The following GALNT2 variants were observed in gnomAD, a reference collection of about 807,000 sequenced individuals.
GALNT2 encodes the protein UDP-GalNAc:polypeptide N-acetylgalactosaminyltransferase 2.
In GALNT2, 31 loss-of-function variants were observed where a neutral mutation model predicts 81.4. The ratio of observed to expected loss-of-function variants is 0.38; its 90% CI spans 0.29 to 0.51. The LOEUF (loss-of-function observed/expected upper bound fraction) is 0.51, where lower values mean the gene tolerates loss of function less well. Ranked by LOEUF, GALNT2 falls within the 20% of genes least tolerant of loss-of-function variation. The pLI, the probability that GALNT2 is intolerant of heterozygous loss-of-function variation, is 0.87. For synonymous variants in GALNT2, 303 were observed against 287.4 expected, an observed-to-expected ratio of 1.05 and a Z score of -0.55; for missense variants, 629 against 765.7, an observed-to-expected ratio of 0.82 and a Z score of 2.11.
At chr1:230,087,200 ACT>A (rs1342910789) in intron 1 of GALNT2, among the ~76,000 whole-genome samples, 1 of 150,732 alleles carries the variant, frequency 6.6e-6, no homozygotes, top group Admixed American at 6.6e-5. Flanking sequence ...ACCAGTGCAC[ACT>A]CTCCCCATAG....
intron 2 of GALNT2, among the ~76,000 whole-genome samples, chr1:230,192,726 T>A (rs1263902637): frequency 2.0e-5 from 3 of 152,276 alleles, no homozygotes; most frequent in Admixed American, 6.5e-5. Context: ...AACTATTTCC[T>A]CTATAACATC....
At chr1:230,165,759 A>G (rs1373683000) in intron 1 of GALNT2, among the ~76,000 whole-genome samples, 3 of 152,222 alleles carry the variant, frequency 2.0e-5, no homozygotes, top group African/African-American at 7.2e-5. Context: ...GCACTGGTCA[A>G]CCTGTCCCAG....
intron 1 of GALNT2, among the ~76,000 whole-genome samples, chr1:230,170,152 A>G (rs1662745652): frequency 1.3e-5 from 2 of 152,190 alleles, no homozygotes; most frequent in Non-Finnish European, 2.9e-5. Flanking sequence ...TTGCCTAAGT[A>G]GAGGTTTTGG....
intron 1 of GALNT2, among the ~76,000 whole-genome samples, chr1:230,075,140 T>TTTTTTTTTTTTG (rs1399602658): frequency 4.1e-5 from 6 of 145,336 alleles, no homozygotes; most frequent in African/African-American, 1.6e-4. Context: ...TTTTTTTTTT[T>TTTTTTTTTTTTG]TTTGAGACAA....
At chr1:230,256,725 C>G (rs181823741) in intron 11 of GALNT2, among the ~76,000 whole-genome samples, 1 of 152,196 alleles carries the variant, frequency 6.6e-6, no homozygotes, top group Admixed American at 6.5e-5. Context: ...AATTCTCTTA[C>G]ATGCTAAAGA....
intron 3 of GALNT2, among the ~76,000 whole-genome samples, chr1:230,208,543 G>A (rs892926333): frequency 2.0e-5 from 3 of 152,230 alleles, no homozygotes; most frequent in Non-Finnish European, 4.4e-5. Flanking sequence ...TTCAGCGTAT[G>A]GATGGTATTT....
chr1:230,127,960 C>T (rs1048123930), intron 1 of GALNT2, among the ~76,000 whole-genome samples: 3 of 152,170 alleles, frequency 2.0e-5, no homozygotes, highest in African/African-American at 7.2e-5. Flanking sequence ...TCTGAGGAGC[C>T]ATCTATCCCA....
Position 230,279,600 on chromosome 1 carries a change from C to T in GALNT2, c.*142C>T. 9.2e-7 allele frequency: 1 copy of T among 1,081,174 alleles called. No homozygotes were observed. Among genetic ancestry groups the T allele is most frequent in the Non-Finnish European group, 1.3e-6 (1 of 768,404 alleles). 67.0% of individuals were successfully genotyped at this position (1,081,174 alleles called of 1,614,324 possible). A position where few individuals can be genotyped will look rare whatever the true frequency, so the allele number is the denominator to read the frequency against. ...TCATGGTCTGAAAGTCAAACTTCGG[C>T]AAGGCACGGACGACTGTGCAGACAC... On this transcript the variant is annotated 3_prime_UTR_variant, in exon 16 of 16. Transcript: ENST00000366672. This position sits in a 1 kb window ranked among gnomAD's most constrained non-coding sequence, Gnocchi z 4.6.
chr1:230,257,840 C>T lies in GALNT2; in HGVS notation c.1136+2496C>T, dbSNP rs1009558525. Among the ~76,000 whole-genome samples the T allele has an allele frequency of 6.6e-6, 1 of 152,066 alleles. No individual in the cohort carries two copies. The highest frequency in any genetic ancestry group is 1.5e-5 in the Non-Finnish European group (1 of 68,022). On this transcript the variant is annotated intron_variant, in intron 11 of 15. Coordinates refer to ENST00000366672, the MANE Select transcript of GALNT2 (RefSeq NM_004481.5). The surrounding 1 kb of genome is among the most constrained non-coding windows in gnomAD (Gnocchi z 4.6). ...GCCCAGGAGCTTTGTTACACAACTG[C>T]GCTGGCGTGCTGCCCCTACAGAAAT...
intron 6 of GALNT2, among the ~76,000 whole-genome samples, chr1:230,240,162 A>C (rs1410478167): frequency 6.6e-6 from 1 of 152,044 alleles, no homozygotes; most frequent in East Asian, 1.9e-4. Context: ...AGCCCGAATA[A>C]TTTTCTTTAG....
At chr1:230,080,982 T>G (rs1417972382) in intron 1 of GALNT2, among the ~76,000 whole-genome samples, 1 of 152,198 alleles carries the variant, frequency 6.6e-6, no homozygotes, top group Non-Finnish European at 1.5e-5. Flanking sequence ...ACATCACATG[T>G]GACACGTCGC....
intron 1 of GALNT2, among the ~76,000 whole-genome samples, chr1:230,135,886 T>A (rs1414830402): frequency 6.7e-6 from 1 of 150,284 alleles, no homozygotes; most frequent in Non-Finnish European, 1.5e-5. Flanking sequence ...TAGATGGGGG[T>A]CTCACTGTGT....
At chr1:230,246,970 G>A (rs1665390893) in intron 8 of GALNT2, among the ~76,000 whole-genome samples, 1 of 152,098 alleles carries the variant, frequency 6.6e-6, no homozygotes, top group African/African-American at 2.4e-5. Flanking sequence ...CAGGTGCAGT[G>A]GCTCACGCTT....
chr1:230,205,774 G>A (rs561995573), intron 3 of GALNT2, among the ~76,000 whole-genome samples: 1 of 152,254 alleles, frequency 6.6e-6, no homozygotes, highest in East Asian at 1.9e-4. Context: ...CCCACCACCA[G>A]CCCATCCCCA....
upstream of GALNT2, among the ~76,000 whole-genome samples, chr1:230,062,845 G>A (rs60969368): frequency 4.0e-3 from 607 of 152,120 alleles, 16 homozygotes; most frequent in East Asian, 0.068. Context: ...CGTTTGAGTC[G>A]CTGCTTTCAA....
chr1:230,227,514 TA>T (rs1664750418), intron 3 of GALNT2, among the ~76,000 whole-genome samples: 1 of 149,530 alleles, frequency 6.7e-6, no homozygotes, highest in Admixed American at 6.7e-5. Flanking sequence ...AATACAGCTA[TA>T]TATGCTATAT....
intron 1 of GALNT2, among the ~76,000 whole-genome samples, chr1:230,153,345 G>A (rs535545393): frequency 6.0e-4 from 92 of 152,316 alleles, no homozygotes; most frequent in Non-Finnish European, 1.1e-3. Flanking sequence ...CCTTACATGC[G>A]GGAGTGTTTC....
intron 1 of GALNT2, among the ~76,000 whole-genome samples, chr1:230,120,808 C>T (rs1160681371): frequency 6.6e-6 from 1 of 152,190 alleles, no homozygotes; most frequent in African/African-American, 2.4e-5. Context: ...GGTCGTCACA[C>T]ATGGCCAGAC....
rs1661564121 is a variant in GALNT2, at chr1:230,136,842, C to G, written c.127-41376C>G. Reference sequence around the variant, plus strand: ...CTGGTCCAAGGTCATTCAACAAGAACAGGTTGAAATCACCCTCAGACCGAA... The same window carrying G: ...CTGGTCCAAGGTCATTCAACAAGAAGAGGTTGAAATCACCCTCAGACCGAA... On this transcript the variant is annotated intron_variant, in intron 1 of 15. Transcript: ENST00000366672. Among the ~76,000 whole-genome samples the G allele has an allele frequency of 2.0e-5, 3 of 152,294 alleles. No homozygotes were observed. In the Middle Eastern group the frequency reaches 0.01, roughly 518 times the overall value.
Sources: allele counts gnomAD v4.1 joint callset (sites outside exome capture counted in the v4.1 genomes callset), GRCh38; gene constraint gnomAD v4.1.1; non-coding constraint Gnocchi (gnomAD v3.1); transcripts MANE v1.5; gene names NCBI Gene and HGNC (gene_info 2026-07-23, HGNC 2026-07-21).